The following NME8 variants were observed in gnomAD, a reference collection of about 807,000 sequenced individuals.
The protein encoded by NME8 is NME/NM23 family member 8.
In NME8, 72 loss-of-function variants were observed where a neutral mutation model predicts 82.3. The observed-to-expected ratio is 0.87, with a 90% confidence interval of 0.72 to 1.06. The LOEUF (loss-of-function observed/expected upper bound fraction) is 1.06, where lower values mean the gene tolerates loss of function less well. Among genes scored for constraint, NME8 ranks in the 50% least tolerant of loss-of-function variants. The pLI, the probability that NME8 is intolerant of heterozygous loss-of-function variation, is 0.00. For synonymous variants in NME8, 267 were observed against 228.5 expected (o/e 1.17, Z -1.52); for missense variants, 712 against 685.4 (o/e 1.04, Z -0.43).
chr7:37,897,040 A>G lies in NME8; in HGVS notation c.1715A>G (p.Tyr572Cys), dbSNP rs527811748. ...KNIVHGASNA[Y>C]EAKEVVNRLF... The stretch of plus-strand genomic sequence containing the variant: ...ATTGTCCATGGAGCATCTAACGCCT[A>G]TGAAGCAAAAGAGGTTGTTAATAGA... The change falls in exon 17 of 18, where the codon TAT (tyrosine) becomes TGT (cysteine). Residue 572 changes from tyrosine to cysteine, a missense_variant. Transcript: ENST00000199447. 3.7e-6 allele frequency: 6 copies of G among 1,613,936 alleles called. No individual in the cohort carries two copies. Among genetic ancestry groups the G allele is most frequent in the East Asian group, 2.2e-5 (1 of 44,874 alleles).
rs78150597 is a variant in NME8, at chr7:37,867,416, A to G, written c.622-286A>G. On this transcript the variant is annotated intron_variant, in intron 10 of 17. Transcript: ENST00000199447. ...AGTGATTTTGGGGTCCAAGAGATTT[A>G]TTTTTCTAAGGATACAAATTTACCC... Among the ~76,000 whole-genome samples the G allele has an allele frequency of 0.076, 11,581 of 151,762 alleles. 617 individuals are homozygous for G. Among genetic ancestry groups the G allele is most frequent in the Admixed American group, 0.17 (2,645 of 15,216 alleles).
chr7:37,874,060 C>G (rs928489778), intron 11 of NME8, among the ~76,000 whole-genome samples: 1 of 152,050 alleles, frequency 6.6e-6, no homozygotes, highest in African/African-American at 2.4e-5. Context: ...CCTGGTAGAG[C>G]AAATGAAGAT....
intron 6 of NME8, among the ~76,000 whole-genome samples, chr7:37,858,413 G>A (rs1019922386): frequency 4.0e-5 from 6 of 151,348 alleles, no homozygotes; most frequent in Non-Finnish European, 8.8e-5. Context: ...CCTCTAAGTT[G>A]GATGTTTAGA....
rs753627281 is a variant in NME8, at chr7:37,897,103, G to T, written c.*11G>T. 6.6e-7 allele frequency: 1 copy of T among 1,510,032 alleles called. No individual in the cohort carries two copies. The highest frequency in any genetic ancestry group is 2.3e-5 in the East Asian group (1 of 44,284). The allele number at this position is 1,510,032 out of a possible 1,614,324, so 93.5% of individuals were successfully genotyped here. A position where few individuals can be genotyped will look rare whatever the true frequency, so the allele number is the denominator to read the frequency against. On this transcript the variant is annotated 3_prime_UTR_variant, in exon 17 of 18. Coordinates refer to ENST00000199447, the MANE Select transcript of NME8 (RefSeq NM_016616.5). ...CCTGAGGAAAACTAAAGTATATACTGTGAAGTACGTACCTGTTTAATTATT... is the reference window on the plus strand; with the variant it reads ...CCTGAGGAAAACTAAAGTATATACTTTGAAGTACGTACCTGTTTAATTATT...
Position 37,862,272 on chromosome 7 carries a change from A to G in NME8, c.387+128A>G, listed in dbSNP as rs920933948. On this transcript the variant is annotated intron_variant, in intron 7 of 17. Coordinates refer to ENST00000199447, the MANE Select transcript of NME8 (RefSeq NM_016616.5). ...ACTTTATGTCTTTTAATTTTAAAAA[A>G]GTACATTACCTTTTATTTGATGTTA... The G allele has an allele frequency of 6.3e-5, 45 of 713,222 alleles. No homozygotes were observed. In the African/African-American group the frequency reaches 7.8e-4, roughly 12 times the overall value. The allele number at this position is 713,222 out of a possible 1,614,324, so 44.2% of individuals were successfully genotyped here.
At chr7:37,884,470 T>G in intron 13 of NME8, 23 bp downstream of exon 13, 1 of 1,598,962 alleles carries the variant, frequency 6.3e-7, no homozygotes, top group African/African-American at 1.3e-5. Flanking sequence ...TTGAGAAAAT[T>G]CAGTCTGATT....
intron 15 of NME8, among the ~76,000 whole-genome samples, chr7:37,894,048 G>A (rs1204857370): frequency 6.6e-6 from 1 of 152,160 alleles, no homozygotes; most frequent in African/African-American, 2.4e-5. Context: ...GACAACATTT[G>A]CTTTGTTTAA....
chr7:37,854,805 C>T (rs1380190833), intron 5 of NME8, among the ~76,000 whole-genome samples: 1 of 26,242 alleles, frequency 3.8e-5, no homozygotes, highest in African/African-American at 7.2e-5. Context: ...AAACCTTTCA[C>T]CCCCCACCTT....
intron 12 of NME8, among the ~76,000 whole-genome samples, chr7:37,883,274 G>C (rs1460800039): frequency 6.6e-6 from 1 of 152,084 alleles, no homozygotes; most frequent in Non-Finnish European, 1.5e-5. Context: ...CCTCATTTGA[G>C]AAATCTTTTT....
chr7:37,883,737 C>A (rs1256802601), intron 12 of NME8, among the ~76,000 whole-genome samples: 1 of 152,142 alleles, frequency 6.6e-6, no homozygotes, highest in Non-Finnish European at 1.5e-5. Flanking sequence ...ATAGCTGGAT[C>A]ACACTGCCAC....
chr7:37,877,743 T>C (rs1784878229), intron 12 of NME8, among the ~76,000 whole-genome samples: 1 of 152,140 alleles, frequency 6.6e-6, no homozygotes, highest in Admixed American at 6.6e-5. Context: ...CATTGTAAAA[T>C]GTGTAGCAGC....
At chr7:37,872,746 CT>C in intron 11 of NME8, among the ~76,000 whole-genome samples, 1 of 32,078 alleles carries the variant, frequency 3.1e-5, no homozygotes, top group Non-Finnish European at 1.0e-4. Flanking sequence ...TAATGAGAAA[CT>C]CTGCACAGAG....
intron 16 of NME8, among the ~76,000 whole-genome samples, chr7:37,896,051 A>T (rs1433639983): frequency 6.6e-6 from 1 of 152,132 alleles, no homozygotes; most frequent in African/African-American, 2.4e-5. Context: ...ACACACACAC[A>T]CGTGTGTATA....
intron 12 of NME8, among the ~76,000 whole-genome samples, chr7:37,881,128 T>A (rs1217979018): frequency 2.0e-5 from 3 of 152,204 alleles, no homozygotes; most frequent in Non-Finnish European, 4.4e-5. Flanking sequence ...TTCCTCATTC[T>A]GAATCAGTAT....
At chr7:37,875,965 T>C (rs1784841123) in intron 11 of NME8, among the ~76,000 whole-genome samples, 1 of 152,060 alleles carries the variant, frequency 6.6e-6, no homozygotes, top group African/African-American at 2.4e-5. Context: ...CCCAGCACTT[T>C]GGGAGGCCGA....
chr7:37,857,306 A>G lies in NME8; in HGVS notation c.231A>G (p.Pro77=). 2 of 1,611,762 alleles carry G rather than the reference A, an allele frequency of 1.2e-6. No homozygotes were observed. Among genetic ancestry groups the G allele is most frequent in the Non-Finnish European group, 8.5e-7 (1 of 1,178,490 alleles). ...CTGACAACATTGTGACTTTGCAGCC[A>G]TTTAGAGATAAATGTGAACCTGTTT... ...AEADNIVTLQ[P]FRDKCEPVFL... is the part of the protein sequence containing the mutation. The change falls in exon 6 of 18, where the codon CCA becomes CCG. Residue 77 remains proline, a synonymous_variant. Transcript: ENST00000199447.
chr7:37,857,621 T>C (rs568564418), intron 6 of NME8, among the ~76,000 whole-genome samples: 130 of 152,312 alleles, frequency 8.5e-4, no homozygotes, highest in African/African-American at 2.8e-3. Flanking sequence ...ATTTGCACAA[T>C]AAATTTTTTA....
chr7:37,880,993 G>T (rs1313125904), intron 12 of NME8, among the ~76,000 whole-genome samples: 1 of 152,026 alleles, frequency 6.6e-6, no homozygotes, highest in Non-Finnish European at 1.5e-5. Context: ...CTGAACCTTT[G>T]CTATAATAGT....
intron 15 of NME8, among the ~76,000 whole-genome samples, chr7:37,891,142 G>A (rs888117984): frequency 2.6e-5 from 4 of 151,678 alleles, no homozygotes; most frequent in Non-Finnish European, 5.9e-5. Flanking sequence ...TTGTTTGTTT[G>A]CTATTGAGTT....
Sources: allele counts gnomAD v4.1 joint callset (sites outside exome capture counted in the v4.1 genomes callset), GRCh38; gene constraint gnomAD v4.1.1; transcripts MANE v1.5; gene names NCBI Gene and HGNC (gene_info 2026-07-23, HGNC 2026-07-21).